Variants in CDH18 observed in about 807,000 individuals in gnomAD.
CDH18 encodes the protein cadherin-18.
A neutral mutation model predicts 67.9 loss-of-function variants in CDH18; 31 were observed. The ratio of observed to expected loss-of-function variants is 0.46; its 90% CI spans 0.34 to 0.62. CDH18 has a LOEUF of 0.62. Among genes scored for constraint, CDH18 ranks in the 20% least tolerant of loss-of-function variants. The probability of loss-of-function intolerance (pLI) is 0.01; values close to 1 mark genes in which losing one functional copy is unlikely to be tolerated. For missense variants in CDH18, 890 were observed against 975.5 expected, an observed-to-expected ratio of 0.91 and a Z score of 1.17; for synonymous variants, 362 against 347.2, an observed-to-expected ratio of 1.04 and a Z score of -0.48.
At chr5:20,404,795 T>C (rs1746084737) in intron 1 of CDH18, among the ~76,000 whole-genome samples, 1 of 152,102 alleles carries the variant, frequency 6.6e-6, no homozygotes. Flanking sequence ...GTTGACTTAC[T>C]CCATGCAGGG....
At chr5:20,465,595 T>G (rs144151470) in intron 1 of CDH18, among the ~76,000 whole-genome samples, 2 of 152,060 alleles carry the variant, frequency 1.3e-5, no homozygotes, top group Non-Finnish European at 2.9e-5. Context: ...CTAATTAGTA[T>G]GATTTATAGA....
chr5:20,139,847 A>G (rs908001341), intron 2 of CDH18, among the ~76,000 whole-genome samples: 1 of 152,242 alleles, frequency 6.6e-6, no homozygotes. Context: ...TGGAGAAATC[A>G]GAACACTTTT....
At chr5:19,595,200 T>C (rs1378947539) in intron 6 of CDH18, among the ~76,000 whole-genome samples, 1 of 151,958 alleles carries the variant, frequency 6.6e-6, no homozygotes, top group Non-Finnish European at 1.5e-5. Context: ...TTGAAATGAA[T>C]AAAATCTGTA....
At chr5:19,840,229 C>T (rs554789756) in intron 2 of CDH18, among the ~76,000 whole-genome samples, 1 of 144,422 alleles carries the variant, frequency 6.9e-6, no homozygotes, top group East Asian at 2.1e-4. Context: ...GATCTGAGAT[C>T]GCACCACTGC....
intron 10 of CDH18, among the ~76,000 whole-genome samples, chr5:19,515,632 C>G (rs1745859431): frequency 6.6e-6 from 1 of 152,138 alleles, no homozygotes; most frequent in Admixed American, 6.5e-5. Context: ...GGAGTTCACT[C>G]ATGATTTGGC....
chr5:20,405,817 A>C (rs1413231113), intron 1 of CDH18, among the ~76,000 whole-genome samples: 2 of 152,210 alleles, frequency 1.3e-5, no homozygotes, highest in African/African-American at 4.8e-5. Flanking sequence ...ATGCAGCCAA[A>C]AGACACATGA....
chr5:19,717,042 T>C (rs1359642956), intron 5 of CDH18, among the ~76,000 whole-genome samples: 4 of 152,116 alleles, frequency 2.6e-5, no homozygotes, highest in African/African-American at 4.8e-5. Flanking sequence ...TGACTGTCAA[T>C]GATTTATACA....
At chr5:19,515,794 A>C (rs193291229) in intron 10 of CDH18, among the ~76,000 whole-genome samples, 2 of 152,178 alleles carry the variant, frequency 1.3e-5, no homozygotes, top group African/African-American at 4.8e-5. Context: ...TGTCATCTGC[A>C]AACAGGGACA....
chr5:19,759,452 T>TG (rs1772052126), intron 3 of CDH18, among the ~76,000 whole-genome samples: 1 of 152,146 alleles, frequency 6.6e-6, no homozygotes, highest in Admixed American at 6.5e-5. Flanking sequence ...GGAGGTAATG[T>TG]GGGGGTTCTG....
chr5:20,529,002 G>C (rs2126546430), intron 1 of CDH18, among the ~76,000 whole-genome samples: 1 of 151,370 alleles, frequency 6.6e-6, no homozygotes, highest in East Asian at 1.9e-4. Flanking sequence ...CTCTAGTTAA[G>C]CTCATAAAGA....
At chr5:19,838,186 T>A (rs934231385) in intron 3 of CDH18, among the ~76,000 whole-genome samples, 1 of 152,200 alleles carries the variant, frequency 6.6e-6, no homozygotes, top group African/African-American at 2.4e-5. Flanking sequence ...TCAATGTTTT[T>A]ATGAAAATTA....
Position 19,541,372 on chromosome 5 carries a change from C to T in CDH18, c.1390+2497G>A, listed in dbSNP as rs572537429. On this transcript the variant is annotated intron_variant, in intron 9 of 12. Coordinates refer to ENST00000382275, the MANE Select transcript of CDH18 (RefSeq NM_004934.5). ...CACATTTTTTTTATCTTCTTCTGAG[C>T]CCTCCAAACTGTTTCAACTTCTGAC... Among the ~76,000 whole-genome samples, 17 of 151,962 alleles carry T rather than the reference C, an allele frequency of 1.1e-4. No homozygotes were observed. The South Asian group carries it at 3.5e-3, about 32-fold the overall frequency.
intron 2 of CDH18, among the ~76,000 whole-genome samples, chr5:20,146,214 T>C (rs1750633167): frequency 6.6e-6 from 1 of 152,076 alleles, no homozygotes; most frequent in South Asian, 2.1e-4. Flanking sequence ...TAGTAGCCTG[T>C]CTTCCCAACC....
chr5:20,062,303 G>T (rs1194035536), intron 2 of CDH18, among the ~76,000 whole-genome samples: 2 of 151,972 alleles, frequency 1.3e-5, no homozygotes, highest in Admixed American at 6.6e-5. Flanking sequence ...CTATAGGCAT[G>T]TGCCATCATG....
At chr5:20,347,525 G>T (rs188902446) in intron 1 of CDH18, among the ~76,000 whole-genome samples, 1 of 152,322 alleles carries the variant, frequency 6.6e-6, no homozygotes, top group Non-Finnish European at 1.5e-5. Flanking sequence ...AACAACCATG[G>T]ACAGCACCTA....
intron 1 of CDH18, among the ~76,000 whole-genome samples, chr5:20,501,551 T>C (rs1188628875): frequency 7.3e-5 from 2 of 27,252 alleles, no homozygotes; most frequent in East Asian, 0.014. Flanking sequence ...ACATATTATA[T>C]ATATAATATA....
At chr5:20,249,924 T>C (rs1038149077) in intron 2 of CDH18, among the ~76,000 whole-genome samples, 1 of 136,692 alleles carries the variant, frequency 7.3e-6, no homozygotes, top group Non-Finnish European at 1.7e-5. Flanking sequence ...GCTCCCACAT[T>C]GGTGATTTTT....
chr5:19,960,046 T>C (rs991608398), intron 2 of CDH18, among the ~76,000 whole-genome samples: 2 of 152,016 alleles, frequency 1.3e-5, no homozygotes, highest in African/African-American at 4.8e-5. Context: ...AATGAGTGAG[T>C]GATGAGTAAA....
At chr5:20,237,419 G>A (rs1280655660) in intron 2 of CDH18, among the ~76,000 whole-genome samples, 1 of 151,818 alleles carries the variant, frequency 6.6e-6, no homozygotes, top group Non-Finnish European at 1.5e-5. Flanking sequence ...GATTATCCAT[G>A]TAGAAAAATT....
Sources: allele counts gnomAD v4.1 joint callset (sites outside exome capture counted in the v4.1 genomes callset), GRCh38; gene constraint gnomAD v4.1.1; transcripts MANE v1.5; gene names NCBI Gene and HGNC (gene_info 2026-07-23, HGNC 2026-07-21).